Variants in CA10 observed in about 807,000 individuals in gnomAD.
CA10 encodes carbonic anhydrase 10 (inactive), also known as carbonic anhydrase-related protein 10.
In CA10, 14 loss-of-function variants were observed where a neutral mutation model predicts 44.2. The observed-to-expected ratio is 0.32, with a 90% CI of 0.21 to 0.50. The LOEUF is 0.50. CA10 is among the 20% of genes least tolerant of loss of function. The pLI is 0.99. For missense variants in CA10, 350 were observed against 409.7 expected, an observed-to-expected ratio of 0.85 and a Z score of 1.26; for synonymous variants, 159 against 141.6, an observed-to-expected ratio of 1.12 and a Z score of -0.87.
intron 2 of CA10, among the ~76,000 whole-genome samples, chr17:52,011,337 G>A (rs1232977877): frequency 2.6e-5 from 4 of 151,944 alleles, no homozygotes; most frequent in South Asian, 2.1e-4. Flanking sequence ...CTGCGATCAG[G>A]TAAATGAAGT....
At chr17:51,985,562 G>A (rs1051488888) in intron 2 of CA10, among the ~76,000 whole-genome samples, 6 of 152,018 alleles carry the variant, frequency 3.9e-5, no homozygotes, top group African/African-American at 1.4e-4. Context: ...TAAAGAGGAA[G>A]TCAAACTGTC....
chr17:51,884,509 G>T (rs924458003), intron 3 of CA10, among the ~76,000 whole-genome samples: 5 of 152,006 alleles, frequency 3.3e-5, no homozygotes, highest in African/African-American at 9.7e-5. Context: ...ACTCATCCAG[G>T]TCTTTGACTT....
chr17:52,152,316 A>G (rs2143415137), intron 1 of CA10, among the ~76,000 whole-genome samples: 1 of 152,296 alleles, frequency 6.6e-6, no homozygotes, highest in South Asian at 2.1e-4. Context: ...TAACCATATT[A>G]GGACACTTCA....
At chr17:51,816,489 C>T (rs1157819339) in intron 3 of CA10, among the ~76,000 whole-genome samples, 1 of 152,158 alleles carries the variant, frequency 6.6e-6, no homozygotes, top group Non-Finnish European at 1.5e-5. Context: ...GGAGGAACCT[C>T]CAAACTGCTT....
In CA10 at chr17:51,716,679, T is replaced by C. The variant is rs192974497; in HGVS notation, c.465+30954A>G. 3.3e-5 allele frequency among the ~76,000 whole-genome samples: 5 copies of C among 152,260 alleles called. No individual in the cohort carries two copies. The East Asian group carries it at 9.7e-4, about 29-fold the overall frequency. On this transcript the variant is annotated intron_variant, in intron 4 of 8. Coordinates refer to ENST00000451037, the MANE Select transcript of CA10 (RefSeq NM_020178.5). The stretch of plus-strand genomic sequence containing the variant: ...GTTCATTAAGCTGCAGTTCCCTCCA[T>C]AGCATCTTGTAGGGGAATTATTTAA...
chr17:51,783,210 A>C (rs1257816458), intron 3 of CA10, among the ~76,000 whole-genome samples: 1 of 152,192 alleles, frequency 6.6e-6, no homozygotes, highest in African/African-American at 2.4e-5. Flanking sequence ...ATGCCCCCAA[A>C]GCAGGAACTA....
intron 3 of CA10, among the ~76,000 whole-genome samples, chr17:51,912,534 A>C: frequency 6.6e-6 from 1 of 152,242 alleles, no homozygotes; most frequent in East Asian, 1.9e-4. Context: ...TCTTCTTCAT[A>C]GCTAGTGAAA....
chr17:52,135,656 T>C (rs970323118), intron 1 of CA10, among the ~76,000 whole-genome samples: 5 of 152,194 alleles, frequency 3.3e-5, no homozygotes, highest in African/African-American at 9.7e-5. Context: ...CCTGTGGGAA[T>C]GGGCACCCTG....
chr17:52,037,109 C>A (rs1227449166), intron 2 of CA10, among the ~76,000 whole-genome samples: 3 of 151,852 alleles, frequency 2.0e-5, no homozygotes, highest in Non-Finnish European at 4.4e-5. Flanking sequence ...ATGATGAGGT[C>A]AATTTTGGAA....
Position 51,747,863 on chromosome 17 carries a change from T to A in CA10, c.280-45A>T, listed in dbSNP as rs970193494. 3.4e-6 allele frequency: 5 copies of A among 1,464,182 alleles called. No individual in the cohort carries two copies. The African/African-American group carries it at 7.0e-5, about 20-fold the overall frequency. The allele number at this position is 1,464,182 out of a possible 1,614,324, so 90.7% of individuals were successfully genotyped here. A position where few individuals can be genotyped will look rare whatever the true frequency, so the allele number is the denominator to read the frequency against. Reference sequence around the variant, plus strand: ...AGGTCAAGCAAGGCCCTCCTTCTTCTATGCCTCCCCAAACCCAGCATGGTG... The same window carrying A: ...AGGTCAAGCAAGGCCCTCCTTCTTCAATGCCTCCCCAAACCCAGCATGGTG... On this transcript the variant is annotated intron_variant, in intron 3 of 8. Transcript: ENST00000451037.
intron 2 of CA10, among the ~76,000 whole-genome samples, chr17:51,975,872 GAAAA>G (rs139387796): frequency 6.1e-5 from 6 of 98,106 alleles, no homozygotes; most frequent in African/African-American, 1.2e-4. Flanking sequence ...CTCTGTCTCG[GAAAA>G]AAAAAAAAAA....
intron 3 of CA10, among the ~76,000 whole-genome samples, chr17:51,847,303 G>T (rs1263782021): frequency 6.6e-6 from 1 of 152,182 alleles, no homozygotes; most frequent in Non-Finnish European, 1.5e-5. Context: ...GAAGGCAAAT[G>T]AAGTAGTCTC....
At chr17:52,034,883 T>C (rs540212724) in intron 2 of CA10, among the ~76,000 whole-genome samples, 1 of 152,232 alleles carries the variant, frequency 6.6e-6, no homozygotes, top group African/African-American at 2.4e-5. Context: ...CTTACTTCAA[T>C]CTCATTTTTC....
At chr17:51,679,681 T>TCC (rs1191044392) in intron 4 of CA10, among the ~76,000 whole-genome samples, 1 of 151,780 alleles carries the variant, frequency 6.6e-6, no homozygotes, top group East Asian at 1.9e-4. Context: ...TGCCTCAGCC[T>TCC]CCCAAATGGA....
chr17:51,990,505 GC>G (rs1985002576), intron 2 of CA10, among the ~76,000 whole-genome samples: 1 of 152,074 alleles, frequency 6.6e-6, no homozygotes, highest in African/African-American at 2.4e-5. Context: ...TCAGTGAAAT[GC>G]CCATAAAGGA....
intron 1 of CA10, among the ~76,000 whole-genome samples, chr17:52,103,319 C>A (rs1174638200): frequency 6.6e-6 from 1 of 152,168 alleles, no homozygotes; most frequent in Admixed American, 6.5e-5. Context: ...GGCACTTGCT[C>A]CAGGATCAAC....
intron 2 of CA10, among the ~76,000 whole-genome samples, chr17:51,968,892 C>T (rs1279400515): frequency 6.6e-6 from 1 of 151,982 alleles, no homozygotes; most frequent in Non-Finnish European, 1.5e-5. Context: ...ATAAGGTGAA[C>T]ACAATCTCAT....
At chr17:51,677,460 C>A (rs1005880812) in intron 4 of CA10, among the ~76,000 whole-genome samples, 1 of 152,148 alleles carries the variant, frequency 6.6e-6, no homozygotes, top group African/African-American at 2.4e-5. Flanking sequence ...GAGGCCCCCC[C>A]AGAAGCAGAT....
intron 1 of CA10, among the ~76,000 whole-genome samples, chr17:52,106,638 C>T (rs2143268445): frequency 6.6e-6 from 1 of 152,258 alleles, no homozygotes; most frequent in Admixed American, 6.5e-5. Context: ...GGAACTGTAA[C>T]AGGCTATGCT....
Sources: gnomAD v4.1 joint callset for allele counts (sites outside exome capture counted in the v4.1 genomes callset) on GRCh38, gnomAD v4.1.1 for gene constraint, MANE v1.5 for transcripts, NCBI Gene and HGNC (gene_info 2026-07-23, HGNC 2026-07-21) for gene names.